SERPINE2: variants seen among roughly 807,000 people sequenced by gnomAD.
SERPINE2 encodes the protein glia-derived nexin.
In SERPINE2, 14 loss-of-function variants were observed where a neutral mutation model predicts 36.3. The ratio of observed to expected loss-of-function variants is 0.39; its 90% confidence interval spans 0.25 to 0.60. SERPINE2 has a LOEUF of 0.60. Among genes scored for constraint, SERPINE2 ranks in the 20% least tolerant of loss-of-function variants. The pLI is 0.57. For missense variants in SERPINE2, 418 were observed against 499.6 expected (o/e 0.84, Z 1.56); for synonymous variants, 192 against 191.8 (o/e 1.00, Z -0.01).
Position 223,998,207 on chromosome 2 carries a change from T to A in SERPINE2, c.395A>T (p.Asp132Val). The part of the protein sequence containing the change: ...IEVPFVTRNK[D>V]VFQCEVRNVN... ...ATTCCGGACCTCACACTGGAACACA[T>A]CTTTGTTCCTTGTAACAAAAGGCAC... The change falls in exon 3 of 9, where the codon GAT (aspartate) becomes GTT (valine). Residue 132 changes from aspartate to valine, a missense_variant. By Grantham distance (152) the Asp-to-Val change is radical. Coordinates refer to ENST00000409304, the MANE Select transcript of SERPINE2 (RefSeq NM_001136528.2). The A allele has an allele frequency of 6.2e-7, 1 of 1,614,034 alleles. No individual in the cohort carries two copies. The highest frequency in any genetic ancestry group is 8.5e-7 in the Non-Finnish European group (1 of 1,179,852).
At chr2:224,018,502 A>G (rs1255811490) in intron 1 of SERPINE2, among the ~76,000 whole-genome samples, 10 of 152,096 alleles carry the variant, frequency 6.6e-5, no homozygotes, top group Admixed American at 6.5e-4. Context: ...TCCACTGGAA[A>G]GCCTGTAACA....
At chr2:223,976,211 C>T (rs796673607) in intron 8 of SERPINE2, among the ~76,000 whole-genome samples, 2 of 152,260 alleles carry the variant, frequency 1.3e-5, no homozygotes, top group South Asian at 2.1e-4. Flanking sequence ...AGTACAATGG[C>T]GCCATCTCGG....
chr2:224,023,297 A>T (rs1312080708), intron 1 of SERPINE2, among the ~76,000 whole-genome samples: 1 of 152,176 alleles, frequency 6.6e-6, no homozygotes, highest in Non-Finnish European at 1.5e-5. Context: ...CAAACTCCCA[A>T]GTTTGTCTTC....
chr2:224,031,569 T>A, intron 1 of SERPINE2: 2 of 910,968 alleles, frequency 2.2e-6, no homozygotes, highest in Non-Finnish European at 2.6e-6. Context: ...CCACGTGACC[T>A]AGCATCAGCC....
At chr2:224,038,371 A>C in intron 1 of SERPINE2, 1 of 800,172 alleles carries the variant, frequency 1.2e-6, no homozygotes, top group Non-Finnish European at 2.1e-6. Context: ...CATCTTCCAT[A>C]ATACCTGAAG....
intron 1 of SERPINE2, chr2:224,030,199 G>C (rs1028021330): frequency 3.0e-6 from 3 of 985,316 alleles, no homozygotes; most frequent in African/African-American, 3.5e-5. Context: ...ACGCACAAGA[G>C]CCTGAAGCCT....
Position 224,033,716 on chromosome 2 carries a change from T to C in SERPINE2, c.-23+5383A>G, listed in dbSNP as rs968056718. ...CATATATCACCATCACCAAAGTTAA[T>C]AGAAATAAACCAAAATGCATTCTCC... On this transcript the variant is annotated intron_variant, in intron 1 of 8. Coordinates refer to ENST00000409304, the MANE Select transcript of SERPINE2 (RefSeq NM_001136528.2). Among the ~76,000 whole-genome samples, 6 of 146,404 alleles carry C rather than the reference T, an allele frequency of 4.1e-5. 1 individual carries two copies. Among genetic ancestry groups the C allele is most frequent in the South Asian group, 4.3e-4 (2 of 4,610 alleles).
At chr2:224,020,185 T>C (rs1691947908) in intron 1 of SERPINE2, among the ~76,000 whole-genome samples, 1 of 152,184 alleles carries the variant, frequency 6.6e-6, no homozygotes, top group Non-Finnish European at 1.5e-5. Flanking sequence ...TAGTAATATT[T>C]ATGAACAACC....
intron 6 of SERPINE2, 63 bp from the exon 7 acceptor site, chr2:223,980,460 G>T: frequency 7.1e-7 from 1 of 1,410,570 alleles, no homozygotes; most frequent in East Asian, 2.3e-5. Context: ...GGTTGGTTGG[G>T]GAAGTAACCT....
At chr2:224,023,371 T>TA (rs1692077623) in intron 1 of SERPINE2, among the ~76,000 whole-genome samples, 1 of 152,240 alleles carries the variant, frequency 6.6e-6, no homozygotes, top group South Asian at 2.1e-4. Flanking sequence ...TCTGACACCA[T>TA]ACAAATAAAA....
At chr2:223,986,649 C>T (rs1690442497) in intron 4 of SERPINE2, among the ~76,000 whole-genome samples, 1 of 152,086 alleles carries the variant, frequency 6.6e-6, no homozygotes, top group Non-Finnish European at 1.5e-5. Flanking sequence ...GTGTTAACTG[C>T]TTCTAGAAAT....
chr2:223,975,985 GAA>G (rs1689996110), intron 8 of SERPINE2, 81 bp from the exon 9 acceptor site: 1 of 1,318,462 alleles, frequency 7.6e-7, no homozygotes, highest in African/African-American at 1.5e-5. Context: ...CTATTTAAGG[GAA>G]GGGAAACAAT....
chr2:224,015,108 G>C (rs1189398348), intron 1 of SERPINE2, among the ~76,000 whole-genome samples: 1 of 152,134 alleles, frequency 6.6e-6, no homozygotes, highest in Non-Finnish European at 1.5e-5. Flanking sequence ...GGGTGCTGCT[G>C]AGCAGCACCC....
At chr2:224,030,868 T>C (rs1692340088) in intron 1 of SERPINE2, 1 of 690,308 alleles carries the variant, frequency 1.4e-6, no homozygotes, top group Non-Finnish European at 1.8e-6. Context: ...CTCTCTACCT[T>C]CTCAATCCAA....
chr2:224,019,137 A>T (rs912865254), intron 1 of SERPINE2, among the ~76,000 whole-genome samples: 1 of 152,216 alleles, frequency 6.6e-6, no homozygotes, highest in Non-Finnish European at 1.5e-5. Flanking sequence ...GAAACCATGG[A>T]AAATTTGGAA....
intron 7 of SERPINE2, chr2:223,980,031 A>T: frequency 3.6e-6 from 1 of 277,460 alleles, no homozygotes; most frequent in Non-Finnish European, 6.8e-6. Context: ...TGACACACAA[A>T]TCTGAAATAC....
intron 1 of SERPINE2, among the ~76,000 whole-genome samples, chr2:224,006,115 G>A (rs1385063800): frequency 6.6e-6 from 1 of 152,146 alleles, no homozygotes; most frequent in African/African-American, 2.4e-5. Flanking sequence ...TAGACTGCTT[G>A]CCAATAGCAG....
chr2:223,994,871 A>G (rs528661763), intron 3 of SERPINE2, among the ~76,000 whole-genome samples: 17 of 152,384 alleles, frequency 1.1e-4, no homozygotes, highest in African/African-American at 4.1e-4. Flanking sequence ...TATCACTATT[A>G]CATCTCTCCA....
At chr2:223,987,779 CT>C (rs1428566679) in intron 4 of SERPINE2, among the ~76,000 whole-genome samples, 1 of 152,176 alleles carries the variant, frequency 6.6e-6, no homozygotes, top group East Asian at 1.9e-4. Flanking sequence ...CTGATTTCCA[CT>C]TTAAGTGCTA....
Sources: allele counts gnomAD v4.1 joint callset (sites outside exome capture counted in the v4.1 genomes callset), GRCh38; gene constraint gnomAD v4.1.1; transcripts MANE v1.5; gene names NCBI Gene and HGNC (gene_info 2026-07-23, HGNC 2026-07-21).